MPC2: variants seen among roughly 807,000 people sequenced by gnomAD.
MPC2 encodes the protein mitochondrial pyruvate carrier 2, also known as brain protein 44.
A neutral mutation model predicts 19.2 loss-of-function variants in MPC2; 19 were observed. The observed-to-expected ratio is 0.99, with a 90% CI of 0.69 to 1.45. The LOEUF (loss-of-function observed/expected upper bound fraction) is 1.45, where lower values mean the gene tolerates loss of function less well. Ranked by LOEUF, MPC2 falls within the 40% of genes most tolerant of loss-of-function variation. The pLI, the probability that MPC2 is intolerant of heterozygous loss-of-function variation, is 0.00. For synonymous variants in MPC2, 61 were observed against 54.3 expected, an observed-to-expected ratio of 1.12 and a Z score of -0.54; for missense variants, 122 against 153.0, an observed-to-expected ratio of 0.80 and a Z score of 1.07.
intron 3 of MPC2, 124 bp downstream of exon 3, chr1:167,924,373 G>A: frequency 1.4e-6 from 1 of 702,988 alleles, no homozygotes; most frequent in South Asian, 2.3e-5. Flanking sequence ...TATTTGCCAT[G>A]AAATCATCTA....
At chr1:167,923,703 A>G (rs1160189688) in intron 3 of MPC2, among the ~76,000 whole-genome samples, 1 of 151,752 alleles carries the variant, frequency 6.6e-6, no homozygotes, top group Admixed American at 6.6e-5. Context: ...ACCACATTAA[A>G]AAAAAAAAAG....
chr1:167,934,871 T>G (rs998917879), intron 2 of MPC2, among the ~76,000 whole-genome samples: 1 of 152,126 alleles, frequency 6.6e-6, no homozygotes, highest in Admixed American at 6.6e-5. Context: ...ACTCACTTTA[T>G]AGAAGAGGTA....
intron 2 of MPC2, among the ~76,000 whole-genome samples, chr1:167,928,795 A>G (rs1476154000): frequency 1.3e-5 from 2 of 152,230 alleles, no homozygotes; most frequent in Admixed American, 1.3e-4. Flanking sequence ...ATAAACTAAC[A>G]GATACCTGGC....
rs369118120 is a variant in MPC2 at position 167,923,955 on chromosome 1, C to A, written c.150+542G>T. Among the ~76,000 whole-genome samples the A allele has an allele frequency of 7.8e-4, 119 of 152,296 alleles. 1 individual carries two copies. The South Asian group carries it at 0.023, about 29-fold the overall frequency. On this transcript the variant is annotated intron_variant, in intron 3 of 5. Transcript: ENST00000271373. ...TCAATGATTTGCTACAAACAGCCAC[C>A]ACAATTGTTTCTTTTCAGCTAAGTA...
intron 2 of MPC2, 75 bp downstream of exon 2, chr1:167,935,658 G>C (rs1671112944): frequency 4.8e-6 from 6 of 1,257,552 alleles, no homozygotes; most frequent in South Asian, 3.9e-5. Flanking sequence ...GCAGTTGTCA[G>C]AGGGCCTCTA....
intron 2 of MPC2, among the ~76,000 whole-genome samples, chr1:167,925,546 G>T (rs144434408): frequency 0.27 from 26,876 of 101,314 alleles, 3,361 homozygotes; most frequent in African/African-American, 0.37. Context: ...TTTTTTTTTG[G>T]TTTTTTTTGT....
intron 2 of MPC2, among the ~76,000 whole-genome samples, chr1:167,929,355 G>A (rs778825429): frequency 9.3e-5 from 14 of 151,012 alleles, no homozygotes; most frequent in African/African-American, 2.7e-4. Flanking sequence ...GCGAAACTCC[G>A]TCTCGAAAAA....
chr1:167,936,878 G>C, intron 1 of MPC2, 61 bp downstream of exon 1: 1 of 1,539,516 alleles, frequency 6.5e-7, no homozygotes, highest in Non-Finnish European at 8.8e-7. Context: ...CCCCCACGCG[G>C]TGGTCTCCCC....
chr1:167,919,594 A>G (rs1383388340), intron 5 of MPC2, among the ~76,000 whole-genome samples: 1 of 152,214 alleles, frequency 6.6e-6, no homozygotes, highest in East Asian at 1.9e-4. Context: ...TATTATATAC[A>G]ATTGAAAGTG....
At chr1:167,928,362 A>G (rs1670814661) in intron 2 of MPC2, among the ~76,000 whole-genome samples, 1 of 151,728 alleles carries the variant, frequency 6.6e-6, no homozygotes, top group Non-Finnish European at 1.5e-5. Context: ...ACAAAATTTT[A>G]AAGAAAACTT....
intron 1 of MPC2, 135 bp from the exon 2 acceptor site, chr1:167,936,033 A>G: frequency 1.7e-6 from 1 of 600,612 alleles, no homozygotes. Context: ...GCGAAGGTTG[A>G]GGGGGCGGAG....
chr1:167,928,037 G>A (rs1012159292), intron 2 of MPC2, among the ~76,000 whole-genome samples: 2 of 152,060 alleles, frequency 1.3e-5, no homozygotes, highest in African/African-American at 2.4e-5. Context: ...ACTGCAAACA[G>A]TGTTTTCTTA....
At chr1:167,918,842 C>T (rs1340104705) in intron 5 of MPC2, among the ~76,000 whole-genome samples, 4 of 152,036 alleles carry the variant, frequency 2.6e-5, no homozygotes, top group African/African-American at 7.3e-5. Flanking sequence ...GTCTGCCTGC[C>T]TCGGCCTCCC....
chr1:167,923,584 C>T (rs534893838), intron 3 of MPC2, among the ~76,000 whole-genome samples: 3 of 151,624 alleles, frequency 2.0e-5, no homozygotes, highest in Non-Finnish European at 4.4e-5. Context: ...CTTGCTTTTA[C>T]AAGATAAAAA....
intron 2 of MPC2, among the ~76,000 whole-genome samples, chr1:167,925,542 TTTG>T (rs1469919467): frequency 6.9e-6 from 1 of 145,426 alleles, no homozygotes; most frequent in Non-Finnish European, 1.5e-5. Flanking sequence ...TGGTTTTTTT[TTTG>T]GTTTTTTTTG....
At chr1:167,925,155 T>A (rs992594390) in intron 2 of MPC2, among the ~76,000 whole-genome samples, 2 of 152,200 alleles carry the variant, frequency 1.3e-5, no homozygotes, top group African/African-American at 4.8e-5. Context: ...GAATTCACAG[T>A]ATTCTTACAG....
chr1:167,923,228 A>T (rs917126435), intron 3 of MPC2, among the ~76,000 whole-genome samples: 1 of 152,238 alleles, frequency 6.6e-6, no homozygotes, highest in Non-Finnish European at 1.5e-5. Flanking sequence ...TATTGACTTA[A>T]ACAGATTCTT....
At chr1:167,920,452 A>C in intron 4 of MPC2, 95 bp downstream of exon 4, 13 of 1,276,282 alleles carry the variant, frequency 1.0e-5, no homozygotes, top group Non-Finnish European at 1.4e-5. Flanking sequence ...GTGTGGGTGT[A>C]TTTCAAACAC....
At chr1:167,934,879 G>A (rs1671033450) in intron 2 of MPC2, among the ~76,000 whole-genome samples, 1 of 151,932 alleles carries the variant, frequency 6.6e-6, no homozygotes, top group African/African-American at 2.4e-5. Context: ...TATAGAAGAG[G>A]TAACAGAATT....
Sources: allele counts gnomAD v4.1 joint callset (sites outside exome capture counted in the v4.1 genomes callset), GRCh38; gene constraint gnomAD v4.1.1; transcripts MANE v1.5; gene names NCBI Gene and HGNC (gene_info 2026-07-23, HGNC 2026-07-21).